Variants in ARID1B observed in about 807,000 individuals in gnomAD.
ARID1B encodes the protein AT-rich interactive domain-containing protein 1B.
In ARID1B, 30 loss-of-function variants were observed where a neutral mutation model predicts 212.3. That is an observed-to-expected ratio of 0.14 (90% CI 0.11 to 0.19). The LOEUF (loss-of-function observed/expected upper bound fraction) is 0.19. ARID1B is among the 10% of genes least tolerant of loss of function. The pLI is 1.00. For missense variants in ARID1B, 2,891 were observed against 3,204.0 expected (o/e 0.90, Z 2.36); for synonymous variants, 1,402 against 1,301.7 (o/e 1.08, Z -1.66).
At chr6:157,080,118 C>T (rs936660840) in intron 4 of ARID1B, among the ~76,000 whole-genome samples, 1 of 152,154 alleles carries the variant, frequency 6.6e-6, no homozygotes, top group Non-Finnish European at 1.5e-5. Flanking sequence ...TATCCTCATG[C>T]TCTCCTGGGG....
At chr6:156,905,964 C>T (rs185496623) in intron 3 of ARID1B, among the ~76,000 whole-genome samples, 89 of 152,218 alleles carry the variant, frequency 5.8e-4, no homozygotes, top group Non-Finnish European at 1.1e-3. Flanking sequence ...CTTTTTGGAG[C>T]CCACTGACCA....
chr6:156,949,423 C>T (rs139073818), intron 4 of ARID1B, among the ~76,000 whole-genome samples: 46 of 152,362 alleles, frequency 3.0e-4, no homozygotes, highest in African/African-American at 1.1e-3. Flanking sequence ...GTGCCTGCCA[C>T]ATTCACAAGT....
At chr6:156,783,413 T>A (rs936481460) in intron 1 of ARID1B, among the ~76,000 whole-genome samples, 1 of 152,130 alleles carries the variant, frequency 6.6e-6, no homozygotes, top group Non-Finnish European at 1.5e-5. Flanking sequence ...TAATATAAGC[T>A]CATTTGATCG....
chr6:157,119,836 A>C (rs1562633530), intron 6 of ARID1B: 1 of 152,168 alleles, frequency 6.6e-6, no homozygotes, highest in Non-Finnish European at 1.5e-5. Context: ...CAGTTTCAGA[A>C]CTCCAGGGCC....
chr6:156,954,444 A>C (rs1793809016), intron 4 of ARID1B, among the ~76,000 whole-genome samples: 1 of 151,472 alleles, frequency 6.6e-6, no homozygotes, highest in Non-Finnish European at 1.5e-5. Context: ...CATACATATG[A>C]TTTTTTTTTA....
chr6:156,953,637 A>C (rs1230411100), intron 4 of ARID1B, among the ~76,000 whole-genome samples: 1 of 152,232 alleles, frequency 6.6e-6, no homozygotes, highest in Non-Finnish European at 1.5e-5. Flanking sequence ...CGTCCGCCTC[A>C]TAACCTTCCT....
chr6:156,958,691 C>T (rs1181205685), intron 4 of ARID1B, among the ~76,000 whole-genome samples: 1 of 152,130 alleles, frequency 6.6e-6, no homozygotes, highest in South Asian at 2.1e-4. Context: ...GTCTGGATTT[C>T]TCTTTCCTCT....
chr6:156,781,341 A>G (rs943428964), intron 1 of ARID1B, among the ~76,000 whole-genome samples: 1 of 152,040 alleles, frequency 6.6e-6, no homozygotes, highest in Non-Finnish European at 1.5e-5. Context: ...TGAACTGCTT[A>G]CACGATGAAT....
At chr6:156,898,356 A>AGTCTTG (rs2128205965) in intron 2 of ARID1B, among the ~76,000 whole-genome samples, 1 of 152,208 alleles carries the variant, frequency 6.6e-6, no homozygotes, top group South Asian at 2.1e-4. Context: ...TTGTGTGGGC[A>AGTCTTG]GTGTGTGTGG....
chr6:157,035,008 C>A (rs1170013097), intron 4 of ARID1B, among the ~76,000 whole-genome samples: 2 of 152,142 alleles, frequency 1.3e-5, no homozygotes, highest in Admixed American at 6.5e-5. Context: ...ATCTGACTCC[C>A]TCCTCCCACC....
chr6:157,087,403 T>G (rs535364530), intron 5 of ARID1B, among the ~76,000 whole-genome samples: 29 of 152,334 alleles, frequency 1.9e-4, no homozygotes, highest in African/African-American at 6.0e-4. Flanking sequence ...CATATAACCT[T>G]GAAGAAGCTT....
chr6:156,969,207 A>G (rs1028415515), intron 4 of ARID1B, among the ~76,000 whole-genome samples: 2 of 152,246 alleles, frequency 1.3e-5, no homozygotes, highest in East Asian at 1.9e-4. Context: ...GTAAAGACAT[A>G]TCTTGCTGTT....
At chr6:157,135,700 A>G (rs1457012987) in intron 7 of ARID1B, among the ~76,000 whole-genome samples, 1 of 152,114 alleles carries the variant, frequency 6.6e-6, no homozygotes, top group Non-Finnish European at 1.5e-5. Context: ...AGGAGATCAC[A>G]TTTGCAATGT....
At position 156,777,695 on chromosome 6, in the gene ARID1B, A is replaced by AGCAGCGGCG. The variant is rs576322233; in HGVS notation, c.18_26dup (p.Ala12_Ala14dup). On this transcript the variant is annotated inframe_insertion, in exon 1 of 20. Coordinates refer to ENST00000636930, the MANE Select transcript of ARID1B (RefSeq NM_001374828.1). ...CCGCGGCGATCATGGCCGCGCGGGC[A>AGCAGCGGCG]GCAGCGGCGGCGGCGGCGGCGGCGG... is the stretch of plus-strand genomic sequence containing the variant. 18 of 144,506 alleles carry AGCAGCGGCG rather than the reference A, an allele frequency of 1.2e-4. No individual in the cohort carries two copies. In the East Asian group the frequency reaches 3.0e-3, roughly 24 times the overall value. 9.0% of individuals were successfully genotyped at this position (144,506 alleles called of 1,614,324 possible). A position where few individuals can be genotyped will look rare whatever the true frequency, so the allele number is the denominator to read the frequency against.
chr6:157,017,932 C>G (rs561747412), intron 4 of ARID1B, among the ~76,000 whole-genome samples: 1 of 146,534 alleles, frequency 6.8e-6, no homozygotes, highest in South Asian at 2.2e-4. Context: ...GAGTTGGAGA[C>G]CAGCCTGGGC....
rs545691376 is a variant in ARID1B, at chr6:157,026,173, A to G, written c.2248-58489A>G. On this transcript the variant is annotated intron_variant, in intron 4 of 19. Coordinates refer to ENST00000636930, the MANE Select transcript of ARID1B (RefSeq NM_001374828.1). ...CTCCCGACCTCAGGCGATCCACCTC[A>G]AAGTGCTGGGATTACAGGCATGAGC... 3.7e-4 allele frequency among the ~76,000 whole-genome samples: 56 copies of G among 152,328 alleles called. No individual in the cohort carries two copies. In the East Asian group the frequency reaches 0.011, roughly 29 times the overall value.
intron 5 of ARID1B, among the ~76,000 whole-genome samples, chr6:157,097,746 C>T (rs897086451): frequency 4.6e-5 from 7 of 152,214 alleles, no homozygotes; most frequent in African/African-American, 1.7e-4. Flanking sequence ...CAGGCAGGCG[C>T]CTCAGCTAAT....
chr6:156,871,607 C>G, intron 2 of ARID1B: 1 of 1,611,502 alleles, frequency 6.2e-7, no homozygotes, highest in South Asian at 1.1e-5. Context: ...TTTTATCCTA[C>G]TTTTAGGACT....
At chr6:157,021,592 A>G (rs562272576) in intron 4 of ARID1B, among the ~76,000 whole-genome samples, 68 of 152,166 alleles carry the variant, frequency 4.5e-4, no homozygotes, top group Non-Finnish European at 6.0e-4. Flanking sequence ...AGCCTGACTG[A>G]ACAGGCTCGG....
Sources: allele counts gnomAD v4.1 joint callset (sites outside exome capture counted in the v4.1 genomes callset), GRCh38; gene constraint gnomAD v4.1.1; transcripts MANE v1.5; gene names NCBI Gene and HGNC (gene_info 2026-07-23, HGNC 2026-07-21).